The following EHMT1 variants were observed in gnomAD, a reference collection of about 807,000 sequenced individuals.
The protein encoded by EHMT1 is euchromatic histone lysine methyltransferase 1.
Under a neutral mutation model 147.2 loss-of-function variants are expected in EHMT1, and 15 were observed. The observed-to-expected ratio is 0.10, with a 90% CI of 0.07 to 0.16. The LOEUF is 0.16. EHMT1 is among the 10% of genes least tolerant of loss of function. The pLI, the probability that EHMT1 is intolerant of heterozygous loss-of-function variation, is 1.00. For synonymous variants in EHMT1, 795 were observed against 709.6 expected, an observed-to-expected ratio of 1.12 and a Z score of -1.91; for missense variants, 1,587 against 1,772.4, an observed-to-expected ratio of 0.90 and a Z score of 1.88.
intron 10 of EHMT1, among the ~76,000 whole-genome samples, chr9:137,770,778 A>G (rs1029329149): frequency 2.6e-5 from 4 of 152,206 alleles, no homozygotes; most frequent in Admixed American, 2.6e-4. Context: ...GGAGCGAACC[A>G]AAGAGAAGAG....
chr9:137,824,482 T>C (rs1955673929), intron 25 of EHMT1, among the ~76,000 whole-genome samples: 1 of 152,200 alleles, frequency 6.6e-6, no homozygotes, highest in Non-Finnish European at 1.5e-5. Context: ...AAAACTGTTT[T>C]GCTCCTCCAT....
intron 1 of EHMT1, among the ~76,000 whole-genome samples, chr9:137,669,310 C>T (rs1227359534): frequency 2.0e-5 from 3 of 151,028 alleles, no homozygotes; most frequent in Non-Finnish European, 4.4e-5. Context: ...ACTGAGGACC[C>T]CTGGAAAGAC....
chr9:137,759,021 G>A (rs1318122983), intron 9 of EHMT1, among the ~76,000 whole-genome samples: 2 of 151,968 alleles, frequency 1.3e-5, no homozygotes, highest in Non-Finnish European at 2.9e-5. Flanking sequence ...CAGCTACTCG[G>A]GAGGCTGAGG....
intron 1 of EHMT1, among the ~76,000 whole-genome samples, chr9:137,699,291 A>G (rs1376272793): frequency 6.6e-6 from 1 of 152,242 alleles, no homozygotes; most frequent in East Asian, 1.9e-4. Flanking sequence ...ATGCATGGTC[A>G]TTTCGTATTA....
Position 137,828,588 on chromosome 9 carries a change from T to TG in EHMT1, c.3541-5756dup, listed in dbSNP as rs879362420. On this transcript the variant is annotated intron_variant, in intron 25 of 26. Coordinates refer to ENST00000460843, the MANE Select transcript of EHMT1 (RefSeq NM_024757.5). The surrounding 1 kb of genome is among the most constrained non-coding windows in gnomAD (Gnocchi z 5.3). ...AGTGTGCTCCTGCGGGGGTGCGGGG[T>TG]GGGGGAGGTACCACGTCTCCCGGGC... is the stretch of plus-strand genomic sequence containing the variant. 2.7e-5 allele frequency among the ~76,000 whole-genome samples: 4 copies of TG among 150,422 alleles called. No individual in the cohort carries two copies. Among genetic ancestry groups the TG allele is most frequent in the Non-Finnish European group, 4.4e-5 (3 of 67,604 alleles).
rs775167858 is a variant in EHMT1, at chr9:137,692,827, C to CA, written c.22-18138dup. 5.2e-4 allele frequency among the ~76,000 whole-genome samples: 79 copies of CA among 152,206 alleles called. 1 individual carries two copies. Among genetic ancestry groups the CA allele is most frequent in the South Asian group, 3.7e-3 (18 of 4,818 alleles). ...CTGTTGCTGCTGGGTGTGGGAGCACCAAGGAAGAGACCTGGGCAGGAGCTG... is the reference window on the plus strand; with the variant it reads ...CTGTTGCTGCTGGGTGTGGGAGCACCAAAGGAAGAGACCTGGGCAGGAGCTG... On this transcript the variant is annotated intron_variant, in intron 1 of 26. Coordinates refer to ENST00000460843, the MANE Select transcript of EHMT1 (RefSeq NM_024757.5).
chr9:137,765,148 T>C (rs1360968324), intron 10 of EHMT1, among the ~76,000 whole-genome samples: 1 of 152,238 alleles, frequency 6.6e-6, no homozygotes, highest in Non-Finnish European at 1.5e-5. Flanking sequence ...AGTTTCAAAA[T>C]GGTGATTTTG....
intron 1 of EHMT1, among the ~76,000 whole-genome samples, chr9:137,678,266 G>GC (rs1281480430): frequency 1.1e-4 from 17 of 152,078 alleles, no homozygotes; most frequent in African/African-American, 4.1e-4. Context: ...CACTGCTAGA[G>GC]CCCCCAGCAC....
In EHMT1 at chr9:137,758,023, G is replaced by T. The variant is rs748719406; in HGVS notation, c.1501+12G>T. On this transcript the variant is annotated intron_variant, in intron 9 of 26. Coordinates refer to ENST00000460843, the MANE Select transcript of EHMT1 (RefSeq NM_024757.5). ...TTCACAAGCAGAAGGTGAATGTGGT[G>T]GTGTAACTTAGACCGGGCACCATCT... 7 of 1,613,890 alleles carry T rather than the reference G, an allele frequency of 4.3e-6. No individual in the cohort carries two copies. The highest frequency in any genetic ancestry group is 5.9e-6 in the Non-Finnish European group (7 of 1,179,990).
chr9:137,815,888 T>G, intron 22 of EHMT1, 59 bp from the exon 23 acceptor site: 1 of 1,394,914 alleles, frequency 7.2e-7, no homozygotes, highest in Non-Finnish European at 1.0e-6. Context: ...TGGGTTGATG[T>G]CAGTTCAATT....
chr9:137,702,453 C>T (rs569785936), intron 1 of EHMT1, among the ~76,000 whole-genome samples: 1 of 152,326 alleles, frequency 6.6e-6, no homozygotes, highest in South Asian at 2.1e-4. Flanking sequence ...TGAAACCCAG[C>T]AGGGCAGTCT....
At chr9:137,827,996 G>C (rs1272778749) in intron 25 of EHMT1, among the ~76,000 whole-genome samples, 2 of 152,122 alleles carry the variant, frequency 1.3e-5, no homozygotes, top group Non-Finnish European at 2.9e-5. Context: ...CCGTGCCCCT[G>C]TGTGAAGGGG....
At chr9:137,648,262 T>C (rs1228593282) in intron 1 of EHMT1, among the ~76,000 whole-genome samples, 1 of 152,052 alleles carries the variant, frequency 6.6e-6, no homozygotes, top group Non-Finnish European at 1.5e-5. Context: ...TCTGAACACC[T>C]AGATGAAATG....
chr9:137,762,935 C>A, intron 10 of EHMT1, 115 bp downstream of exon 10: 1 of 1,407,776 alleles, frequency 7.1e-7, no homozygotes. Flanking sequence ...AGGGCGGGAG[C>A]CTGAGTGGAT....
chr9:137,809,769 T>C (rs1289370128), intron 18 of EHMT1, among the ~76,000 whole-genome samples: 1 of 152,364 alleles, frequency 6.6e-6, no homozygotes, highest in Non-Finnish European at 1.5e-5. Context: ...TCCAGAAATA[T>C]ACCAACAGAC....
chr9:137,632,418 G>A (rs1589048133), intron 1 of EHMT1, among the ~76,000 whole-genome samples: 1 of 152,178 alleles, frequency 6.6e-6, no homozygotes, highest in South Asian at 2.1e-4. Flanking sequence ...TGAAGACGTA[G>A]TCTGAGTTGT....
intron 1 of EHMT1, among the ~76,000 whole-genome samples, chr9:137,659,627 A>C (rs986656913): frequency 7.3e-5 from 11 of 149,880 alleles, no homozygotes; most frequent in African/African-American, 2.5e-4. Flanking sequence ...ATCATGGTTC[A>C]CTGCGGCCTT....
chr9:137,762,367 C>T (rs898496299), intron 9 of EHMT1, among the ~76,000 whole-genome samples: 1 of 151,980 alleles, frequency 6.6e-6, no homozygotes, highest in Non-Finnish European at 1.5e-5. Context: ...GGAGCTACTG[C>T]CAGAGGTACC....
At chr9:137,706,556 G>T (rs577252619) in intron 1 of EHMT1, among the ~76,000 whole-genome samples, 6 of 152,076 alleles carry the variant, frequency 3.9e-5, no homozygotes, top group Admixed American at 1.3e-4. Flanking sequence ...GCGTGATCTC[G>T]GCTCACTGCA....
Sources: gnomAD v4.1 joint callset for allele counts (sites outside exome capture counted in the v4.1 genomes callset) on GRCh38, gnomAD v4.1.1 for gene constraint, Gnocchi (gnomAD v3.1) non-coding constraint, MANE v1.5 for transcripts, NCBI Gene and HGNC (gene_info 2026-07-23, HGNC 2026-07-21) for gene names.